Variants in PTPRD observed in about 807,000 individuals in gnomAD.
PTPRD encodes receptor-type tyrosine-protein phosphatase delta.
PTPRD carries 34 observed loss-of-function variants against 214.5 expected under a neutral mutation model. The ratio of observed to expected loss-of-function variants is 0.16; its 90% confidence interval spans 0.12 to 0.21. PTPRD has a LOEUF of 0.21. Ranked by LOEUF, PTPRD falls within the 10% of genes least tolerant of loss-of-function variation. The pLI, the probability that PTPRD is intolerant of heterozygous loss-of-function variation, is 1.00. For synonymous variants in PTPRD, 1,128 were observed against 845.7 expected (o/e 1.33, Z -5.79); for missense variants, 2,545 against 2,398.7 (o/e 1.06, Z -1.27).
intron 3 of PTPRD, among the ~76,000 whole-genome samples, chr9:10,044,616 C>T (rs566897278): frequency 1.3e-3 from 199 of 151,736 alleles, no homozygotes; most frequent in Middle Eastern, 6.8e-3. Context: ...ATTTAATTGT[C>T]GCTAGAACCA....
chr9:9,971,025 G>C (rs1740475846), intron 4 of PTPRD, among the ~76,000 whole-genome samples: 1 of 151,970 alleles, frequency 6.6e-6, no homozygotes, highest in African/African-American at 2.4e-5. Flanking sequence ...CTTTTATTTA[G>C]AATATCTGAA....
chr9:9,404,699 C>G (rs1330447065), intron 8 of PTPRD, among the ~76,000 whole-genome samples: 6 of 151,994 alleles, frequency 3.9e-5, no homozygotes, highest in African/African-American at 1.4e-4. Context: ...AGTGGAGAGT[C>G]TAGGACTAGA....
rs917249305 is a variant in PTPRD at position 8,696,597 on chromosome 9, G to T, written c.64+37183C>A. 3.3e-5 allele frequency among the ~76,000 whole-genome samples: 5 copies of T among 152,166 alleles called. No individual in the cohort carries two copies. In the South Asian group the frequency reaches 1.0e-3, roughly 32 times the overall value. ...AGAAGAGGGGGCAGGGGAGAAAGAT[G>T]AGTTAGGTTAGACGGAGAAAGAATT... is the stretch of plus-strand genomic sequence containing the variant. On this transcript the variant is annotated intron_variant, in intron 12 of 45. Transcript: ENST00000381196.
At chr9:9,814,581 G>C (rs1305027536) in intron 5 of PTPRD, among the ~76,000 whole-genome samples, 1 of 152,118 alleles carries the variant, frequency 6.6e-6, no homozygotes, top group African/African-American at 2.4e-5. Context: ...TTTAACCAAG[G>C]AGGTAGAAGA....
intron 3 of PTPRD, among the ~76,000 whole-genome samples, chr9:10,059,946 A>T (rs2097727183): frequency 6.6e-6 from 1 of 152,036 alleles, no homozygotes. Flanking sequence ...ATAAAAATGT[A>T]AGTAAGATTA....
At chr9:8,858,210 C>G (rs1464539652) in intron 11 of PTPRD, 1 of 155,476 alleles carries the variant, frequency 6.4e-6, no homozygotes, top group African/African-American at 2.4e-5. Flanking sequence ...TTTCCTCCTT[C>G]CTGCTGCCTC....
intron 5 of PTPRD, among the ~76,000 whole-genome samples, chr9:9,907,442 G>A (rs2077905380): frequency 1.3e-5 from 2 of 151,786 alleles, no homozygotes; most frequent in Admixed American, 6.6e-5. Context: ...TTCTCATGAG[G>A]CCTCCCTTTC....
intron 11 of PTPRD, among the ~76,000 whole-genome samples, chr9:8,881,021 C>A (rs1230970524): frequency 6.6e-6 from 1 of 152,150 alleles, no homozygotes. Context: ...CCCACCTCGG[C>A]CTCCCAAAGT....
intron 3 of PTPRD, among the ~76,000 whole-genome samples, chr9:10,093,721 A>T (rs1397899188): frequency 6.6e-6 from 1 of 151,464 alleles, no homozygotes; most frequent in East Asian, 1.9e-4. Context: ...GATCGGATAA[A>T]CAAAATTTGA....
At chr9:8,856,280 G>A (rs940455544) in intron 11 of PTPRD, among the ~76,000 whole-genome samples, 1 of 152,160 alleles carries the variant, frequency 6.6e-6, no homozygotes, top group Admixed American at 6.5e-5. Context: ...TACTCAAGTT[G>A]AGTGGTTGGT....
chr9:8,424,728 T>G (rs1306489017), intron 35 of PTPRD, among the ~76,000 whole-genome samples: 2 of 151,998 alleles, frequency 1.3e-5, no homozygotes, highest in African/African-American at 4.8e-5. Flanking sequence ...AATAAAAGAA[T>G]GAGTGAAGGG....
At chr9:9,436,163 T>C (rs898859493) in intron 8 of PTPRD, among the ~76,000 whole-genome samples, 4 of 152,186 alleles carry the variant, frequency 2.6e-5, no homozygotes, top group Non-Finnish European at 5.9e-5. Flanking sequence ...AGTTCCTTCT[T>C]CTATTCTTTG....
At chr9:9,706,270 TCTC>T (rs1360096146) in intron 7 of PTPRD, among the ~76,000 whole-genome samples, 6 of 152,090 alleles carry the variant, frequency 3.9e-5, no homozygotes, top group Non-Finnish European at 7.3e-5. Context: ...ATTAAAAAAT[TCTC>T]CTAAACAATT....
chr9:8,696,450 TG>T (rs2097912561), intron 12 of PTPRD, among the ~76,000 whole-genome samples: 1 of 151,850 alleles, frequency 6.6e-6, no homozygotes, highest in African/African-American at 2.4e-5. Flanking sequence ...AGTCTTGGGG[TG>T]GGGGGACAAG....
At chr9:9,053,198 A>C (rs1180937391) in intron 10 of PTPRD, among the ~76,000 whole-genome samples, 1 of 152,212 alleles carries the variant, frequency 6.6e-6, no homozygotes, top group African/African-American at 2.4e-5. Context: ...AATGTTTAAC[A>C]TAATAGTATA....
chr9:9,282,924 T>A (rs1276857327), intron 9 of PTPRD, among the ~76,000 whole-genome samples: 1 of 151,452 alleles, frequency 6.6e-6, no homozygotes, highest in Non-Finnish European at 1.5e-5. Context: ...CCTTTCAATA[T>A]GTTAGATTAC....
intron 38 of PTPRD, 45 bp downstream of exon 38, chr9:8,376,562 A>G: frequency 6.2e-7 from 1 of 1,610,990 alleles, no homozygotes; most frequent in Non-Finnish European, 8.5e-7. Context: ...GCTTTCTTTA[A>G]ACAATAGAGA....
intron 5 of PTPRD, among the ~76,000 whole-genome samples, chr9:9,806,455 T>C (rs1331815386): frequency 6.6e-6 from 1 of 152,020 alleles, no homozygotes; most frequent in Non-Finnish European, 1.5e-5. Context: ...CCCGCTCTTG[T>C]GACAATACAC....
chr9:9,959,887 C>T (rs972907890), intron 4 of PTPRD, among the ~76,000 whole-genome samples: 2 of 152,032 alleles, frequency 1.3e-5, no homozygotes, highest in East Asian at 1.9e-4. Context: ...TCATATTTAG[C>T]ATAATATATA....
Sources: gnomAD v4.1 joint callset for allele counts (sites outside exome capture counted in the v4.1 genomes callset) on GRCh38, gnomAD v4.1.1 for gene constraint, MANE v1.5 for transcripts, NCBI Gene and HGNC (gene_info 2026-07-23, HGNC 2026-07-21) for gene names.